The following AGTPBP1 variants were observed in gnomAD, a reference collection of about 807,000 sequenced individuals.
The protein encoded by AGTPBP1 is cytosolic carboxypeptidase 1.
AGTPBP1 carries 70 observed loss-of-function variants against 143.9 expected under a neutral mutation model. The observed-to-expected ratio is 0.49, with a 90% CI of 0.40 to 0.59. AGTPBP1 has a LOEUF of 0.59. AGTPBP1 is among the 20% of genes least tolerant of loss of function. AGTPBP1 has a pLI of 0.00. For synonymous variants in AGTPBP1, 463 were observed against 500.2 expected (o/e 0.93, Z 0.99); for missense variants, 1,229 against 1,464.5 (o/e 0.84, Z 2.62).
chr9:85,668,852 A>G (rs1189284147), intron 8 of AGTPBP1, among the ~76,000 whole-genome samples: 1 of 151,500 alleles, frequency 6.6e-6, no homozygotes, highest in Non-Finnish European at 1.5e-5. Context: ...AATTTTAAAG[A>G]AAGACCTCTA....
chr9:85,655,330 A>T lies in AGTPBP1; in HGVS notation c.910-10T>A, dbSNP rs941484835. The T allele has an allele frequency of 6.8e-7, 1 of 1,473,448 alleles. No individual in the cohort carries two copies. The highest frequency in any genetic ancestry group is 9.0e-7 in the Non-Finnish European group (1 of 1,111,986). 91.3% of individuals were successfully genotyped at this position (1,473,448 alleles called of 1,614,324 possible). A position where few individuals can be genotyped will look rare whatever the true frequency, so the allele number is the denominator to read the frequency against. On this transcript the variant is annotated splice_polypyrimidine_tract_variant and intron_variant, in intron 10 of 25. Coordinates refer to ENST00000357081, the MANE Select transcript of AGTPBP1 (RefSeq NM_001330701.2). ...TGACTGCCAGACATTCCTGTTTTTT[A>T]AAAAAAGAAAAAGAAAAAGAATGTT...
intron 1 of AGTPBP1, among the ~76,000 whole-genome samples, chr9:85,730,429 GT>G (rs1838802792): frequency 6.6e-6 from 1 of 152,168 alleles, no homozygotes; most frequent in Non-Finnish European, 1.5e-5. Flanking sequence ...GGGCTTCCTA[GT>G]TCCAGGGCAT....
chr9:85,741,787 G>A lies in AGTPBP1; in HGVS notation c.-46C>T. The A allele has an allele frequency of 2.2e-6, 3 of 1,351,968 alleles. No individual in the cohort carries two copies. Among genetic ancestry groups the A allele is most frequent in the South Asian group, 1.8e-5 (1 of 55,684 alleles). The allele number at this position is 1,351,968 out of a possible 1,614,324, so 83.7% of individuals were successfully genotyped here. A position where few individuals can be genotyped will look rare whatever the true frequency, so the allele number is the denominator to read the frequency against. On this transcript the variant is annotated 5_prime_UTR_variant, in exon 1 of 26. Coordinates refer to ENST00000357081, the MANE Select transcript of AGTPBP1 (RefSeq NM_001330701.2). ...GCAGGGCGCTCACCGGCTCAGGATG[G>A]GGCGCTGGCGGGGACCGCGCAGAGC... is the stretch of plus-strand genomic sequence containing the variant.
At chr9:85,672,176 T>C (rs1834525714) in intron 7 of AGTPBP1, among the ~76,000 whole-genome samples, 1 of 152,100 alleles carries the variant, frequency 6.6e-6, no homozygotes, top group Admixed American at 6.6e-5. Flanking sequence ...GTTCAAATGA[T>C]TCTCCTACCT....
At chr9:85,752,697 C>T in the AGTPBP1 span, among the ~76,000 whole-genome samples, 1 of 152,044 alleles carries the variant, frequency 6.6e-6, no homozygotes, top group Non-Finnish European at 1.5e-5. Flanking sequence ...CGAATATGTA[C>T]AATTATTATT....
At chr9:85,711,626 G>T (rs919231578) in intron 2 of AGTPBP1, among the ~76,000 whole-genome samples, 1 of 151,840 alleles carries the variant, frequency 6.6e-6, no homozygotes, top group East Asian at 1.9e-4. Flanking sequence ...TTTTTATAAA[G>T]ACAGGGTTTC....
At chr9:85,786,588 A>G in the AGTPBP1 span, 2 of 1,607,942 alleles carry the variant, frequency 1.2e-6, no homozygotes, top group African/African-American at 2.7e-5. Flanking sequence ...TAGACATTGA[A>G]TAATAGAACT....
chr9:85,790,743 T>G, the AGTPBP1 span, among the ~76,000 whole-genome samples: 2 of 152,326 alleles, frequency 1.3e-5, no homozygotes, highest in South Asian at 2.1e-4. Context: ...TATTATGTTC[T>G]ACTGGTTAAT....
chr9:85,582,628 C>T (rs934262605), intron 23 of AGTPBP1, among the ~76,000 whole-genome samples: 2 of 151,704 alleles, frequency 1.3e-5, no homozygotes, highest in Non-Finnish European at 2.9e-5. Flanking sequence ...TGCAGTGAGC[C>T]GAGATCGTGC....
intron 24 of AGTPBP1, among the ~76,000 whole-genome samples, chr9:85,577,346 G>C (rs767694470): frequency 6.6e-6 from 1 of 152,138 alleles, no homozygotes; most frequent in Non-Finnish European, 1.5e-5. Flanking sequence ...AAATCACATA[G>C]TCCAAGGTTT....
intron 18 of AGTPBP1, among the ~76,000 whole-genome samples, chr9:85,593,533 A>G (rs542345968): frequency 5.9e-5 from 9 of 152,176 alleles, no homozygotes; most frequent in Non-Finnish European, 8.8e-5. Context: ...CACAGTAAGA[A>G]ATTTTCTTAA....
At chr9:85,795,210 T>C in the AGTPBP1 span, among the ~76,000 whole-genome samples, 4 of 152,344 alleles carry the variant, frequency 2.6e-5, no homozygotes, top group African/African-American at 9.6e-5. Context: ...ATTTGTAGTC[T>C]ATAGTATGAG....
intron 5 of AGTPBP1, 58 bp from the exon 6 acceptor site, chr9:85,677,640 T>C: frequency 1.5e-6 from 2 of 1,351,632 alleles, no homozygotes; most frequent in Admixed American, 2.7e-5. Flanking sequence ...TTAACAAATT[T>C]AAACAAACAT....
At chr9:85,644,028 G>A (rs1349450240) in intron 12 of AGTPBP1, among the ~76,000 whole-genome samples, 1 of 151,816 alleles carries the variant, frequency 6.6e-6, no homozygotes, top group East Asian at 1.9e-4. Context: ...TTATATACAT[G>A]TATCTGACCA....
intron 15 of AGTPBP1, 67 bp from the exon 16 acceptor site, chr9:85,619,368 ATAAAAT>A (rs1430786110): frequency 9.0e-7 from 1 of 1,114,302 alleles, no homozygotes; most frequent in Non-Finnish European, 1.3e-6. Flanking sequence ...CAAAAAGTAA[ATAAAAT>A]TATAATTAAA....
intron 1 of AGTPBP1, among the ~76,000 whole-genome samples, chr9:85,734,439 G>A (rs1839103261): frequency 6.6e-6 from 1 of 150,838 alleles, no homozygotes; most frequent in African/African-American, 2.4e-5. Context: ...AAGTCAGACA[G>A]ATGTTACAAG....
At chr9:85,756,895 T>C in the AGTPBP1 span, among the ~76,000 whole-genome samples, 24 of 152,144 alleles carry the variant, frequency 1.6e-4, no homozygotes, top group African/African-American at 5.8e-4. Context: ...GAATGGGCAA[T>C]TCCATTTCTG....
intron 25 of AGTPBP1, among the ~76,000 whole-genome samples, chr9:85,562,433 C>G (rs1051403635): frequency 6.6e-6 from 1 of 152,130 alleles, no homozygotes; most frequent in Non-Finnish European, 1.5e-5. Flanking sequence ...AGATAGCTTA[C>G]GCTTACATAC....
intron 3 of AGTPBP1, among the ~76,000 whole-genome samples, chr9:85,689,762 G>C (rs1480993266): frequency 1.3e-5 from 2 of 151,198 alleles, no homozygotes; most frequent in Admixed American, 1.3e-4. Context: ...CTGGTGTTGT[G>C]GCCTATGCCT....
Sources: allele counts gnomAD v4.1 joint callset (sites outside exome capture counted in the v4.1 genomes callset), GRCh38; gene constraint gnomAD v4.1.1; transcripts MANE v1.5; gene names NCBI Gene and HGNC (gene_info 2026-07-23, HGNC 2026-07-21).